Variants in HIP1 observed in about 807,000 individuals in gnomAD.
The protein encoded by HIP1 is huntingtin-interacting protein 1.
Under a neutral mutation model 147.6 loss-of-function variants are expected in HIP1, and 65 were observed. The observed-to-expected ratio is 0.44, with a 90% CI of 0.36 to 0.54. The LOEUF is 0.54. Ranked by LOEUF, HIP1 falls within the 20% of genes least tolerant of loss-of-function variation. HIP1 has a pLI of 0.00. For synonymous variants in HIP1, 479 were observed against 504.0 expected (o/e 0.95, Z 0.67); for missense variants, 1,061 against 1,299.6 (o/e 0.82, Z 2.82).
intron 1 of HIP1, among the ~76,000 whole-genome samples, chr7:75,723,755 T>A (rs1370701380): frequency 6.6e-6 from 1 of 152,062 alleles, no homozygotes; most frequent in Non-Finnish European, 1.5e-5. Flanking sequence ...TGGGCCCACC[T>A]GGATCATCCA....
chr7:75,567,807 T>C (rs1795464969), intron 9 of HIP1, among the ~76,000 whole-genome samples: 1 of 146,406 alleles, frequency 6.8e-6, no homozygotes, highest in African/African-American at 2.8e-5. Context: ...CCCACAAGTA[T>C]TTAAAAAAAA....
At chr7:75,555,375 T>C in intron 19 of HIP1, 41 bp downstream of exon 19, 2 of 1,610,798 alleles carry the variant, frequency 1.2e-6, no homozygotes, top group Non-Finnish European at 1.7e-6. Context: ...TCTCAGGCTG[T>C]AAGGACCTGG....
At chr7:75,618,311 C>A (rs1406426157) in intron 1 of HIP1, among the ~76,000 whole-genome samples, 1 of 152,170 alleles carries the variant, frequency 6.6e-6, no homozygotes, top group African/African-American at 2.4e-5. Context: ...GCCACCAACT[C>A]TGGCTAATTT....
intron 1 of HIP1, among the ~76,000 whole-genome samples, chr7:75,715,895 C>CGGAAGG (rs144092844): frequency 4.0e-4 from 60 of 150,206 alleles, no homozygotes; most frequent in African/African-American, 9.5e-4. Context: ...TCACTCAAGG[C>CGGAAGG]GGAAGGGGAA....
At chr7:75,736,985 C>T (rs940782571) in intron 1 of HIP1, among the ~76,000 whole-genome samples, 1 of 152,004 alleles carries the variant, frequency 6.6e-6, no homozygotes, top group Non-Finnish European at 1.5e-5. Context: ...TGCAGTGGCA[C>T]GATCATAGCC....
intron 1 of HIP1, among the ~76,000 whole-genome samples, chr7:75,694,440 CA>C (rs1800565129): frequency 6.6e-6 from 1 of 151,926 alleles, no homozygotes; most frequent in African/African-American, 2.4e-5. Flanking sequence ...TTTGCCACTC[CA>C]AATACTTTCA....
intron 8 of HIP1, among the ~76,000 whole-genome samples, chr7:75,571,984 C>T (rs914574555): frequency 3.9e-5 from 6 of 152,102 alleles, no homozygotes; most frequent in East Asian, 1.9e-4. Flanking sequence ...CTGAGGTGGG[C>T]GGATCACTTG....
In HIP1 at chr7:75,556,814, G is replaced by A. The variant is rs1563200605; in HGVS notation, c.1582-3C>T. On this transcript the variant is annotated splice_polypyrimidine_tract_variant and splice_region_variant and intron_variant, in intron 16 of 30. Coordinates refer to ENST00000336926, the MANE Select transcript of HIP1 (RefSeq NM_005338.7). Reference sequence around the variant, plus strand: ...AGAACTTCCAGCTGTTCTTGAGTCTGAAAGAGAAGAAAAACAGAGGGACTC... The same window carrying A: ...AGAACTTCCAGCTGTTCTTGAGTCTAAAAGAGAAGAAAAACAGAGGGACTC... 1.9e-6 allele frequency: 3 copies of A among 1,580,434 alleles called. No homozygotes were observed. The highest frequency in any genetic ancestry group is 2.6e-6 in the Non-Finnish European group (3 of 1,151,114).
chr7:75,688,402 G>T (rs914695947), intron 1 of HIP1, among the ~76,000 whole-genome samples: 9 of 151,952 alleles, frequency 5.9e-5, no homozygotes, highest in Non-Finnish European at 7.4e-5. Context: ...GCTCCCAGGG[G>T]AGTCCATCAT....
At chr7:75,713,959 T>A (rs1801236832) in intron 1 of HIP1, among the ~76,000 whole-genome samples, 1 of 151,824 alleles carries the variant, frequency 6.6e-6, no homozygotes, top group Non-Finnish European at 1.5e-5. Context: ...CTCAGCCTCC[T>A]AAAGTGCTGG....
chr7:75,638,474 C>T (rs575090783), intron 1 of HIP1, among the ~76,000 whole-genome samples: 80 of 152,224 alleles, frequency 5.3e-4, no homozygotes, highest in Non-Finnish European at 9.7e-4. Context: ...GCTTAGGAGG[C>T]GAAGGTGTTG....
intron 1 of HIP1, among the ~76,000 whole-genome samples, chr7:75,623,281 T>G (rs1345283380): frequency 6.7e-6 from 1 of 149,096 alleles, no homozygotes; most frequent in Non-Finnish European, 1.5e-5. Context: ...GGCTGGGAGC[T>G]GGAGGCAATG....
At chr7:75,644,856 G>T (rs957671109) in intron 1 of HIP1, among the ~76,000 whole-genome samples, 2 of 152,176 alleles carry the variant, frequency 1.3e-5, no homozygotes, top group Non-Finnish European at 2.9e-5. Context: ...CTGTGATCCT[G>T]GTGGCTCTGG....
intron 13 of HIP1, 80 bp from the exon 14 acceptor site, chr7:75,559,995 A>C (rs1795167299): frequency 7.4e-7 from 1 of 1,354,950 alleles, no homozygotes; most frequent in East Asian, 2.5e-5. Context: ...GGGTCCTACC[A>C]TGCTTCCAAG....
intron 1 of HIP1, among the ~76,000 whole-genome samples, chr7:75,608,681 G>A (rs976213936): frequency 6.6e-6 from 1 of 152,160 alleles, no homozygotes; most frequent in Non-Finnish European, 1.5e-5. Context: ...GGCAGTTTCT[G>A]GATGAACTTA....
chr7:75,676,274 CTT>C (rs1284125130), intron 1 of HIP1, among the ~76,000 whole-genome samples: 12 of 152,204 alleles, frequency 7.9e-5, no homozygotes, highest in Admixed American at 7.9e-4. Flanking sequence ...CACATCTACT[CTT>C]TGCTGAGAGG....
At chr7:75,546,501 G>A (rs1584777400) in intron 25 of HIP1, among the ~76,000 whole-genome samples, 2 of 152,362 alleles carry the variant, frequency 1.3e-5, no homozygotes, top group South Asian at 4.1e-4. Context: ...GTGAGACCAC[G>A]AAGTGGTGCG....
At chr7:75,703,434 G>A (rs782018117) in intron 1 of HIP1, among the ~76,000 whole-genome samples, 1 of 151,998 alleles carries the variant, frequency 6.6e-6, no homozygotes, top group Admixed American at 6.6e-5. Flanking sequence ...ACCCGAGGTC[G>A]GGAGTTCGAG....
chr7:75,547,575 A>G (rs1554491268), intron 24 of HIP1, among the ~76,000 whole-genome samples, 180 bp downstream of exon 24: 2 of 151,972 alleles, frequency 1.3e-5, no homozygotes, highest in South Asian at 2.1e-4. Context: ...TTTCTTTTCT[A>G]TAGTGAAACA....
Sources: gnomAD v4.1 joint callset for allele counts (sites outside exome capture counted in the v4.1 genomes callset) on GRCh38, gnomAD v4.1.1 for gene constraint, MANE v1.5 for transcripts, NCBI Gene and HGNC (gene_info 2026-07-23, HGNC 2026-07-21) for gene names.